MEI4: variants seen among roughly 807,000 people sequenced by gnomAD.
The protein encoded by MEI4 is meiosis-specific protein MEI4.
MEI4 carries 27 observed loss-of-function variants against 31.4 expected under a neutral mutation model. That is an observed-to-expected ratio of 0.86 (90% CI 0.63 to 1.19). The LOEUF is 1.19. Ranked by LOEUF, MEI4 falls within the 50% of genes most tolerant of loss-of-function variation. The pLI is 0.00. For synonymous variants in MEI4, 122 were observed against 145.4 expected, an observed-to-expected ratio of 0.84 and a Z score of 1.16; for missense variants, 329 against 398.9, an observed-to-expected ratio of 0.82 and a Z score of 1.49.
chr6:77,780,552 C>A (rs796631849), intron 3 of MEI4, among the ~76,000 whole-genome samples: 3 of 152,172 alleles, frequency 2.0e-5, no homozygotes, highest in African/African-American at 7.2e-5. Flanking sequence ...CAGGTCAGAC[C>A]CTGGCAATGC....
At chr6:77,751,444 A>G (rs573482712) in intron 2 of MEI4, among the ~76,000 whole-genome samples, 1 of 152,312 alleles carries the variant, frequency 6.6e-6, no homozygotes, top group African/African-American at 2.4e-5. Context: ...GGATATCACC[A>G]TGTATCCCAC....
intron 2 of MEI4, among the ~76,000 whole-genome samples, chr6:77,735,276 A>T (rs1282543956): frequency 6.6e-6 from 1 of 151,906 alleles, no homozygotes. Context: ...TACACCAATC[A>T]GACGTAGATT....
In MEI4 at chr6:77,761,400, A is replaced by G. The variant is rs1451769882; in HGVS notation, c.503A>G (p.Asn168Ser). Residue 168 changes from asparagine (N) to serine (S), a missense_variant, in exon 3 of 5, where the codon AAT becomes AGT. By Grantham distance (46) the Asn-to-Ser change is conservative. Coordinates refer to ENST00000684080, the MANE Select transcript of MEI4 (RefSeq NM_001322247.2). ...LELKNLTESG[N>S]LKRDLTHFEK... is the part of the protein sequence containing the mutation. ...TTAAAGAACTTGACAGAATCAGGTAATCTTAAAAGAGACTTAACCCACTTT... is the reference window on the plus strand; with the variant it reads ...TTAAAGAACTTGACAGAATCAGGTAGTCTTAAAAGAGACTTAACCCACTTT... 6.5e-6 allele frequency: 8 copies of G among 1,232,064 alleles called. No homozygotes were observed. Among genetic ancestry groups the G allele is most frequent in the Non-Finnish European group, 8.1e-6 (8 of 987,944 alleles). The allele number at this position is 1,232,064 out of a possible 1,614,324, so 76.3% of individuals were successfully genotyped here.
intron 3 of MEI4, among the ~76,000 whole-genome samples, chr6:77,788,554 G>A (rs1768815676): frequency 6.6e-6 from 1 of 152,086 alleles, no homozygotes; most frequent in African/African-American, 2.4e-5. Flanking sequence ...CTTCAGCAAA[G>A]TCTCAGGATA....
At chr6:77,862,854 C>T (rs1165722615) in intron 4 of MEI4, among the ~76,000 whole-genome samples, 4 of 152,176 alleles carry the variant, frequency 2.6e-5, no homozygotes, top group South Asian at 2.1e-4. Flanking sequence ...CGTCACATGG[C>T]TGGGTACTCC....
chr6:77,708,910 A>G (rs544332135), intron 2 of MEI4, among the ~76,000 whole-genome samples: 2 of 152,300 alleles, frequency 1.3e-5, no homozygotes, highest in South Asian at 4.1e-4. Context: ...TGAGCCAAAT[A>G]AACTTATTTT....
At chr6:77,789,695 C>T (rs1310476151) in intron 3 of MEI4, among the ~76,000 whole-genome samples, 1 of 152,098 alleles carries the variant, frequency 6.6e-6, no homozygotes, top group Admixed American at 6.5e-5. Flanking sequence ...TAAATCAAAA[C>T]CACAATGAGA....
intron 3 of MEI4, among the ~76,000 whole-genome samples, chr6:77,785,358 T>TAA (rs1472988183): frequency 6.6e-6 from 1 of 152,152 alleles, no homozygotes; most frequent in African/African-American, 2.4e-5. Context: ...CAAGTATATA[T>TAA]TACCACTTGG....
intron 4 of MEI4, among the ~76,000 whole-genome samples, chr6:77,872,909 CTCA>C (rs1295068761): frequency 6.6e-6 from 1 of 151,428 alleles, no homozygotes; most frequent in Non-Finnish European, 1.5e-5. Flanking sequence ...AGGACATGAA[CTCA>C]TCATTTTTTA....
intron 1 of MEI4, among the ~76,000 whole-genome samples, chr6:77,669,640 C>T (rs1015984090): frequency 6.6e-6 from 1 of 152,146 alleles, no homozygotes; most frequent in Admixed American, 6.6e-5. Flanking sequence ...ACATGTTTTA[C>T]ATATTATATA....
Position 77,820,300 on chromosome 6 carries a change from G to C in MEI4, c.769-8631G>C, listed in dbSNP as rs1769786308. Among the ~76,000 whole-genome samples the C allele has an allele frequency of 6.6e-6, 1 of 151,902 alleles. No homozygotes were observed. The highest frequency in any genetic ancestry group is 2.4e-5 in the African/African-American group (1 of 41,330). Reference sequence around the variant, plus strand: ...GTCTCACTCTGTTGCCCAGGCTGGAGGGCAATAGCGCGATCTTGGCTCACT... The same window carrying C: ...GTCTCACTCTGTTGCCCAGGCTGGACGGCAATAGCGCGATCTTGGCTCACT... On this transcript the variant is annotated intron_variant, in intron 3 of 4. Coordinates refer to ENST00000684080, the MANE Select transcript of MEI4 (RefSeq NM_001322247.2). The surrounding 1 kb of genome is among the most constrained non-coding windows in gnomAD (Gnocchi z 4.5).
At chr6:77,729,056 C>T (rs541587778) in intron 2 of MEI4, among the ~76,000 whole-genome samples, 5 of 152,080 alleles carry the variant, frequency 3.3e-5, no homozygotes, top group African/African-American at 4.8e-5. Flanking sequence ...AGAGAAGCCC[C>T]GGAAAGGGAG....
In MEI4 at chr6:77,760,740, A is replaced by C. The variant is rs573080134; in HGVS notation, c.233-390A>C. Among the ~76,000 whole-genome samples, 54 of 152,200 alleles carry C rather than the reference A, an allele frequency of 3.5e-4. 1 individual carries two copies. The South Asian group carries it at 0.01, about 29-fold the overall frequency. On this transcript the variant is annotated intron_variant, in intron 2 of 4. Coordinates refer to ENST00000684080, the MANE Select transcript of MEI4 (RefSeq NM_001322247.2). ...TGTTCAATGGCCCTCCTGATTTTAT[A>C]GTTCCCTCAGTAAATCTCTATGTCT... is the stretch of plus-strand genomic sequence containing the variant.
intron 4 of MEI4, among the ~76,000 whole-genome samples, chr6:77,905,811 T>C (rs933359386): frequency 6.6e-6 from 1 of 150,968 alleles, no homozygotes; most frequent in Non-Finnish European, 1.5e-5. Flanking sequence ...TTTTTTTTTT[T>C]AATAATATAA....
chr6:77,862,927 T>C (rs536094380), intron 4 of MEI4, among the ~76,000 whole-genome samples: 2 of 152,320 alleles, frequency 1.3e-5, no homozygotes, highest in African/African-American at 4.8e-5. Flanking sequence ...CAATATCTGC[T>C]GTTCTGCAGC....
chr6:77,835,863 AT>A, intron 4 of MEI4, among the ~76,000 whole-genome samples: 1 of 152,106 alleles, frequency 6.6e-6, no homozygotes, highest in Non-Finnish European at 1.5e-5. Context: ...ACATTCATAG[AT>A]TTTGAAAAAA....
At chr6:77,867,798 C>G (rs1771084741) in intron 4 of MEI4, among the ~76,000 whole-genome samples, 1 of 152,074 alleles carries the variant, frequency 6.6e-6, no homozygotes. Flanking sequence ...TTCACAATAG[C>G]AAAGACTTGG....
At chr6:77,869,117 T>C (rs1771134708) in intron 4 of MEI4, among the ~76,000 whole-genome samples, 1 of 152,088 alleles carries the variant, frequency 6.6e-6, no homozygotes, top group Non-Finnish European at 1.5e-5. Flanking sequence ...AATATTGCAG[T>C]AAGCAAAGCA....
At chr6:77,712,529 T>C (rs1238628942) in intron 2 of MEI4, among the ~76,000 whole-genome samples, 2 of 152,112 alleles carry the variant, frequency 1.3e-5, no homozygotes, top group African/African-American at 2.4e-5. Flanking sequence ...ACAATAGATA[T>C]GAATAAGGAA....
Sources: allele counts gnomAD v4.1 joint callset (sites outside exome capture counted in the v4.1 genomes callset), GRCh38; gene constraint gnomAD v4.1.1; non-coding constraint Gnocchi (gnomAD v3.1); transcripts MANE v1.5; gene names NCBI Gene and HGNC (gene_info 2026-07-23, HGNC 2026-07-21).